TNC: variants seen among roughly 807,000 people sequenced by gnomAD.
TNC encodes the protein tenascin C, also known as tenascin.
A neutral mutation model predicts 202.4 loss-of-function variants in TNC; 109 were observed. That is an observed-to-expected ratio of 0.54 (90% CI 0.46 to 0.63). TNC has a LOEUF of 0.63. Ranked by LOEUF, TNC falls within the 30% of genes least tolerant of loss-of-function variation. TNC has a pLI of 0.00. For missense variants in TNC, 2,756 were observed against 2,833.3 expected (o/e 0.97, Z 0.62); for synonymous variants, 1,007 against 1,089.7 (o/e 0.92, Z 1.50).
At position 115,031,592 on chromosome 9, in the gene TNC, G is replaced by A. The variant is rs747821566; in HGVS notation, c.5881C>T (p.Pro1961Ser). ...GTCTGGATCATATTGCTCCTCAGGG[G>A]CCCATTGAGTGCCTGGATCTTGGCT... ...YTAKIQALNG[P>S]LRSNMIQTIF... is the part of the protein sequence containing the mutation. Residue 1961 changes from proline (P) to serine (S), a missense_variant, in exon 23 of 28, where the codon CCC becomes TCC. Physicochemically the swap from Pro to Ser is moderately conservative, Grantham distance 74. Coordinates refer to ENST00000350763, the MANE Select transcript of TNC (RefSeq NM_002160.4). The A allele has an allele frequency of 1.9e-6, 3 of 1,609,026 alleles. No homozygotes were observed. Among genetic ancestry groups the A allele is most frequent in the African/African-American group, 2.7e-5 (2 of 74,768 alleles).
Position 115,020,869 on chromosome 9 carries a change from C to A in TNC, c.*288G>T. On this transcript the variant is annotated 3_prime_UTR_variant, in exon 28 of 28. Coordinates refer to ENST00000350763, the MANE Select transcript of TNC (RefSeq NM_002160.4). ...TACCCCTCTCCCATTCCCAGAGCCA[C>A]CTAAGAGAAGTAAAAAACTATTGCG... is the stretch of plus-strand genomic sequence containing the variant. The A allele has an allele frequency of 2.6e-6, 1 of 380,602 alleles. No individual in the cohort carries two copies. Among genetic ancestry groups the A allele is most frequent in the East Asian group, 5.0e-5 (1 of 19,842 alleles). The allele number at this position is 380,602 out of a possible 1,614,324, so 23.6% of individuals were successfully genotyped here.
chr9:115,079,711 G>A (rs1038369453), intron 6 of TNC, among the ~76,000 whole-genome samples: 5 of 152,284 alleles, frequency 3.3e-5, no homozygotes, highest in Admixed American at 2.0e-4. Context: ...TGGATCTGGA[G>A]CTTAAAGAAA....
At chr9:115,022,804 G>C (rs1274570321) in intron 27 of TNC, among the ~76,000 whole-genome samples, 1 of 152,144 alleles carries the variant, frequency 6.6e-6, no homozygotes, top group East Asian at 1.9e-4. Flanking sequence ...ATAAACCCTT[G>C]AGATACAGAA....
intron 1 of TNC, among the ~76,000 whole-genome samples, chr9:115,097,998 G>A (rs1178059135): frequency 6.6e-6 from 1 of 152,118 alleles, no homozygotes; most frequent in African/African-American, 2.4e-5. Context: ...GTAGAATATA[G>A]GCTTTAATAT....
chr9:115,058,738 A>C (rs1187246619), intron 14 of TNC, among the ~76,000 whole-genome samples: 1 of 152,218 alleles, frequency 6.6e-6, no homozygotes, highest in Non-Finnish European at 1.5e-5. Context: ...ATAATTATTT[A>C]AAAAGGGGAG....
Position 115,046,535 on chromosome 9 carries a change from G to T in TNC, c.5000C>A (p.Thr1667Asn), listed in dbSNP as rs866574515. ...CCTGGTACGTTCGGGGGCAAGTAGG[G>T]TTATTTCCAGTGGCTCAGACTGCTT... ...TKKQSEPLEI[T>N]LLAPERTRDI... The change falls in exon 17 of 28, where the codon ACC (threonine) becomes AAC (asparagine). Residue 1667 changes from threonine (T) to asparagine (N), a missense_variant. Thr to Asn is a moderately conservative substitution (Grantham distance 65). Around this residue, in one of 2 missense-constraint regions of TNC, gnomAD observed 2,559 missense variants for 2,546.0 expected, o/e 1.01. Transcript: ENST00000350763. 1 of 1,614,128 alleles carries T rather than the reference G, an allele frequency of 6.2e-7. No individual in the cohort carries two copies. Among genetic ancestry groups the T allele is most frequent in the East Asian group, 2.2e-5 (1 of 44,876 alleles).
At chr9:115,023,591 T>G (rs1053532868) in intron 27 of TNC, among the ~76,000 whole-genome samples, 4 of 152,202 alleles carry the variant, frequency 2.6e-5, no homozygotes, top group African/African-American at 4.8e-5. Flanking sequence ...GACTTCATTT[T>G]AAGGTGTTCT....
intron 18 of TNC, 23 bp from the exon 19 acceptor site, chr9:115,041,107 T>A (rs762922906): frequency 1.3e-6 from 2 of 1,594,242 alleles, no homozygotes; most frequent in South Asian, 1.1e-5. Flanking sequence ...AAAAGCAAGA[T>A]GAGGAATAAT....
At chr9:115,115,623 C>T (rs1432711016) in intron 1 of TNC, among the ~76,000 whole-genome samples, 2 of 152,148 alleles carry the variant, frequency 1.3e-5, no homozygotes, top group East Asian at 3.8e-4. Context: ...TTTTATTTCT[C>T]ATTCATATTC....
chr9:115,032,526 CT>C (rs903951223), intron 22 of TNC, among the ~76,000 whole-genome samples: 1 of 152,138 alleles, frequency 6.6e-6, no homozygotes, highest in African/African-American at 2.4e-5. Context: ...CTAAATATAG[CT>C]CTTTATCACT....
Position 115,091,020 on chromosome 9 carries a change from G to A in TNC, c.-2C>T. Reference sequence around the variant, plus strand: ...CAACAGCTGAGTCATGGCCCCCATGGTGGAGGTGGGTTTGGCTGGGTGCTG... The same window carrying A: ...CAACAGCTGAGTCATGGCCCCCATGATGGAGGTGGGTTTGGCTGGGTGCTG... On this transcript the variant is annotated 5_prime_UTR_variant, in exon 2 of 28. Transcript: ENST00000350763. The A allele has an allele frequency of 6.2e-7, 1 of 1,607,764 alleles. No homozygotes were observed. The highest frequency in any genetic ancestry group is 8.5e-7 in the Non-Finnish European group (1 of 1,179,394).
chr9:115,042,303 T>C lies in TNC; in HGVS notation c.5164A>G (p.Thr1722Ala). Residue 1722 changes from threonine (T) to alanine (A), a missense_variant, in exon 18 of 28, where the codon ACT (threonine) becomes GCT (alanine). By Grantham distance (58) the Thr-to-Ala change is moderately conservative. Around this residue, in one of 2 missense-constraint regions of TNC, gnomAD observed 2,559 missense variants for 2,546.0 expected, o/e 1.01. Coordinates refer to ENST00000350763, the MANE Select transcript of TNC (RefSeq NM_002160.4). Reference protein sequence around the residue: ...SPKEVIFSDITENSATVSWRA... With the variant: ...SPKEVIFSDIAENSATVSWRA... ...CAGCTGACAGTAGCCGAATTTTCAG[T>C]GATGTCTGAGAAAATGACTTCCTTT... 1 of 1,614,134 alleles carries C rather than the reference T, an allele frequency of 6.2e-7. No individual in the cohort carries two copies. The highest frequency in any genetic ancestry group is 8.5e-7 in the Non-Finnish European group (1 of 1,179,992).
intron 4 of TNC, 142 bp downstream of exon 4, chr9:115,084,067 T>G: frequency 1.1e-6 from 1 of 881,502 alleles, no homozygotes; most frequent in East Asian, 2.4e-5. Context: ...TAATAAGTGA[T>G]TCTATGGACT....
At chr9:115,075,988 C>T in intron 9 of TNC, 44 bp downstream of exon 9, 3 of 1,561,158 alleles carry the variant, frequency 1.9e-6, no homozygotes, top group East Asian at 2.2e-5. Flanking sequence ...GTCTCATCTG[C>T]CCAGCACCAG....
chr9:115,050,581 C>T (rs1831572171), intron 15 of TNC, among the ~76,000 whole-genome samples: 1 of 152,158 alleles, frequency 6.6e-6, no homozygotes, highest in South Asian at 2.1e-4. Context: ...TTTAATCTTA[C>T]ATTAAAACAC....
rs1044821069 is a variant in TNC at position 115,048,445 on chromosome 9, A to C, written c.4667T>G (p.Phe1556Cys). ...TVSWMASENA[F>C]DSFLVTVVDS... ...CACCACCGTTACTAGAAAGCTGTCA[A>C]AGGCATTCTCCGATGCCATCCAGGA... The change falls in exon 16 of 28, where the codon TTT (phenylalanine) becomes TGT (cysteine). Residue 1556 changes from phenylalanine (F) to cysteine (C), a missense_variant. By Grantham distance (205) the Phe-to-Cys change is radical. This residue lies in a region of TNC where 2,559 missense variants were observed against 2,546.0 expected (regional missense o/e 1.01). Transcript: ENST00000350763. 17 of 1,614,076 alleles carry C rather than the reference A, an allele frequency of 1.1e-5. No individual in the cohort carries two copies. The highest frequency in any genetic ancestry group is 1.7e-5 in the Admixed American group (1 of 59,978).
intron 19 of TNC, 66 bp downstream of exon 19, chr9:115,040,875 T>C (rs1054784848): frequency 1.3e-6 from 2 of 1,526,562 alleles, no homozygotes; most frequent in Non-Finnish European, 1.8e-6. Flanking sequence ...AGAAATGGCA[T>C]AGGATGCACA....
chr9:115,069,367 G>C (rs941208105), intron 10 of TNC, among the ~76,000 whole-genome samples: 2 of 151,854 alleles, frequency 1.3e-5, no homozygotes, highest in Non-Finnish European at 2.9e-5. Context: ...GCAGGGTTTA[G>C]TTGGGTTTAT....
At position 115,084,493 on chromosome 9, in the gene TNC, C is replaced by T. The variant is rs371533501; in HGVS notation, c.1868-21G>A. 4.8e-5 allele frequency: 77 copies of T among 1,610,660 alleles called. 1 individual carries two copies. In the African/African-American group the frequency reaches 8.9e-4, roughly 19 times the overall value. ...AGACACTGGCAGGAATAAGAAAGGA[C>T]ATCTGGTGTCAACAGTGTGTCCTCT... is the stretch of plus-strand genomic sequence containing the variant. On this transcript the variant is annotated intron_variant, in intron 3 of 27. Coordinates refer to ENST00000350763, the MANE Select transcript of TNC (RefSeq NM_002160.4).
Sources: gnomAD v4.1 joint callset for allele counts (sites outside exome capture counted in the v4.1 genomes callset) on GRCh38, gnomAD v4.1.1 for gene constraint, gnomAD v4.1.1 regional missense constraint, MANE v1.5 for transcripts, NCBI Gene and HGNC (gene_info 2026-07-23, HGNC 2026-07-21) for gene names.